Variants in HELLS observed in about 807,000 individuals in gnomAD.
The protein encoded by HELLS is lymphoid-specific helicase.
HELLS carries 32 observed loss-of-function variants against 120.0 expected under a neutral mutation model. The ratio of observed to expected loss-of-function variants is 0.27; its 90% CI spans 0.20 to 0.36. The LOEUF (loss-of-function observed/expected upper bound fraction) is 0.36. Among genes scored for constraint, HELLS ranks in the 10% least tolerant of loss-of-function variants. The probability of loss-of-function intolerance (pLI) is 1.00; values close to 1 mark genes in which losing one functional copy is unlikely to be tolerated. For missense variants in HELLS, 650 were observed against 993.4 expected, an observed-to-expected ratio of 0.65 and a Z score of 4.65; for synonymous variants, 341 against 323.4, an observed-to-expected ratio of 1.05 and a Z score of -0.58.
chr10:94,567,577 A>C (rs910595281), intron 6 of HELLS, among the ~76,000 whole-genome samples: 1 of 152,174 alleles, frequency 6.6e-6, no homozygotes, highest in Non-Finnish European at 1.5e-5. Context: ...GATTACAGGC[A>C]TGAGCCACTG....
intron 10 of HELLS, among the ~76,000 whole-genome samples, chr10:94,580,474 G>T (rs1238716159): frequency 6.6e-6 from 1 of 151,890 alleles, no homozygotes; most frequent in East Asian, 1.9e-4. Context: ...GAGCCACTGC[G>T]CCCGGCCAAG....
At chr10:94,584,064 ATTTAT>A in intron 12 of HELLS, 1 of 1,363,462 alleles carries the variant, frequency 7.3e-7, no homozygotes, top group Non-Finnish European at 1.0e-6. Context: ...TCCAGAAAAG[ATTTAT>A]ATGATATACG....
rs1253783912 is a variant in HELLS at position 94,596,935 on chromosome 10, TAAAATC to T, written c.2325_2330del (p.Leu775_Ser777delinsPhe). ...GATCCTAAGGAATTAATGGAATTAT[TAAAATC>T]TAGAGATTATGAAAGGTGAGTTTTT... is the stretch of plus-strand genomic sequence containing the variant. On this transcript the variant is annotated inframe_deletion, in exon 20 of 22. Transcript: ENST00000348459. The T allele has an allele frequency of 6.7e-7, 1 of 1,499,136 alleles. No individual in the cohort carries two copies. Among genetic ancestry groups the T allele is most frequent in the African/African-American group, 1.4e-5 (1 of 72,446 alleles). The allele number at this position is 1,499,136 out of a possible 1,614,324, so 92.9% of individuals were successfully genotyped here.
intron 10 of HELLS, chr10:94,577,122 T>G: frequency 2.2e-6 from 1 of 458,562 alleles, no homozygotes; most frequent in Non-Finnish European, 4.2e-6. Flanking sequence ...GGAATTTACT[T>G]ATCGTATTTT....
intron 6 of HELLS, among the ~76,000 whole-genome samples, chr10:94,564,644 C>T (rs1316516366): frequency 6.6e-6 from 1 of 151,960 alleles, no homozygotes; most frequent in East Asian, 1.9e-4. Context: ...GACAGTCTTG[C>T]TCTGTCCCTC....
chr10:94,582,924 A>G (rs1436089226), intron 11 of HELLS, 39 bp from the exon 12 acceptor site: 2 of 1,090,328 alleles, frequency 1.8e-6, no homozygotes. Flanking sequence ...ACATAATTGA[A>G]TTTATGTGAT....
Position 94,582,988 on chromosome 10 carries a change from A to G in HELLS, c.1255A>G (p.Ser419Gly). 6.2e-6 allele frequency: 10 copies of G among 1,603,796 alleles called. No individual in the cohort carries two copies. The highest frequency in any genetic ancestry group is 8.5e-6 in the Non-Finnish European group (10 of 1,174,244). Residue 419 changes from serine (S) to glycine (G), a missense_variant, in exon 12 of 22, where the codon AGT becomes GGT. By Grantham distance (56) the Ser-to-Gly change is moderately conservative. Transcript: ENST00000348459. ...CTTTGAGTCTTGGTTTGACATCACT[A>G]GTCTTTCTGAAACTGCTGAAGATAT... ...KSFESWFDITSLSETAEDIIA... is the reference protein window; with the variant it reads ...KSFESWFDITGLSETAEDIIA...
At chr10:94,555,985 C>T (rs147449952) in intron 3 of HELLS, among the ~76,000 whole-genome samples, 1 of 152,166 alleles carries the variant, frequency 6.6e-6, no homozygotes, top group East Asian at 1.9e-4. Flanking sequence ...TCTGTAAGCT[C>T]CTCTAGCAAA....
intron 19 of HELLS, among the ~76,000 whole-genome samples, chr10:94,596,067 T>TG (rs1214825121): frequency 1.3e-5 from 2 of 152,200 alleles, no homozygotes; most frequent in Non-Finnish European, 2.9e-5. Context: ...GTGATCCTCC[T>TG]GCCTTAGCCT....
intron 19 of HELLS, among the ~76,000 whole-genome samples, chr10:94,596,595 A>G (rs1218765701): frequency 1.3e-5 from 2 of 152,208 alleles, no homozygotes; most frequent in African/African-American, 4.8e-5. Flanking sequence ...GTCCTGTACA[A>G]GTCTTTGTGG....
chr10:94,553,279 C>T (rs1589700841), intron 2 of HELLS, among the ~76,000 whole-genome samples: 1 of 151,336 alleles, frequency 6.6e-6, no homozygotes, highest in East Asian at 1.9e-4. Context: ...GACGGAGTCT[C>T]ACTCTGTCAC....
intron 6 of HELLS, among the ~76,000 whole-genome samples, chr10:94,564,307 C>CA (rs1564586123): frequency 6.6e-6 from 1 of 152,140 alleles, no homozygotes; most frequent in Non-Finnish European, 1.5e-5. Context: ...GTAGTAAAGA[C>CA]ACTGTCTGAC....
chr10:94,564,674 C>A (rs147927526), intron 6 of HELLS, among the ~76,000 whole-genome samples: 1 of 152,004 alleles, frequency 6.6e-6, no homozygotes, highest in East Asian at 1.9e-4. Context: ...TGCAGTGGCG[C>A]GATCTCGGCT....
chr10:94,548,355 T>C (rs1842837248), intron 2 of HELLS, among the ~76,000 whole-genome samples: 1 of 152,240 alleles, frequency 6.6e-6, no homozygotes, highest in Non-Finnish European at 1.5e-5. Flanking sequence ...AAGAGGGATG[T>C]GATAATTTTG....
At chr10:94,580,474 G>A (rs1238716159) in intron 10 of HELLS, among the ~76,000 whole-genome samples, 1 of 151,890 alleles carries the variant, frequency 6.6e-6, no homozygotes, top group Admixed American at 6.6e-5. Flanking sequence ...GAGCCACTGC[G>A]CCCGGCCAAG....
intron 6 of HELLS, chr10:94,570,215 T>C (rs1227826628): frequency 6.6e-6 from 1 of 152,020 alleles, no homozygotes; most frequent in Non-Finnish European, 1.5e-5. Flanking sequence ...CCAACATTTA[T>C]ATTTTTTGTA....
At chr10:94,580,154 TATATATATACAC>T (rs1844779672) in intron 10 of HELLS, among the ~76,000 whole-genome samples, 1 of 48,130 alleles carries the variant, frequency 2.1e-5, no homozygotes, top group Non-Finnish European at 3.8e-5. Flanking sequence ...TATATATATA[TATATATATACAC>T]ACACACACAC....
intron 12 of HELLS, chr10:94,584,095 T>C: frequency 7.2e-7 from 1 of 1,395,144 alleles, no homozygotes; most frequent in Non-Finnish European, 9.5e-7. Context: ...ATGAAAATAC[T>C]TATTTACTCA....
chr10:94,574,059 C>G lies in HELLS; in HGVS notation c.577C>G (p.Gln193Glu), dbSNP rs1180526739. The change falls in exon 8 of 22, where the codon CAG (glutamine) becomes GAG (glutamate). Residue 193 changes from glutamine to glutamate, a missense_variant. Gln to Glu is a conservative substitution (Grantham distance 29). Coordinates refer to ENST00000348459, the MANE Select transcript of HELLS (RefSeq NM_018063.5). ...AGATAGATTGTCTGAAACGGTTAGG[C>G]AGAATACTAAATTCTTTTTTGACCC... ...IKDRLSETVR[Q>E]NTKFFFDPVR... The G allele has an allele frequency of 5.6e-6, 9 of 1,611,810 alleles. No individual in the cohort carries two copies. The highest frequency in any genetic ancestry group is 1.7e-5 in the Admixed American group (1 of 59,982).
Sources: allele counts gnomAD v4.1 joint callset (sites outside exome capture counted in the v4.1 genomes callset), GRCh38; gene constraint gnomAD v4.1.1; transcripts MANE v1.5; gene names NCBI Gene and HGNC (gene_info 2026-07-23, HGNC 2026-07-21).